The following MINDY3 variants were observed in gnomAD, a reference collection of about 807,000 sequenced individuals.
MINDY3 encodes the protein ubiquitin carboxyl-terminal hydrolase MINDY-3.
In MINDY3, 38 loss-of-function variants were observed where a neutral mutation model predicts 69.2. That is an observed-to-expected ratio of 0.55 (90% CI 0.42 to 0.72). The LOEUF (loss-of-function observed/expected upper bound fraction) is 0.72. Ranked by LOEUF, MINDY3 falls within the 30% of genes least tolerant of loss-of-function variation. The pLI, the probability that MINDY3 is intolerant of heterozygous loss-of-function variation, is 0.00. For missense variants in MINDY3, 522 were observed against 519.0 expected (o/e 1.01, Z -0.06); for synonymous variants, 192 against 180.1 (o/e 1.07, Z -0.53).
At chr10:15,840,363 T>TTAAA (rs1833382491) in intron 4 of MINDY3, among the ~76,000 whole-genome samples, 1 of 151,632 alleles carries the variant, frequency 6.6e-6, no homozygotes, top group Admixed American at 6.6e-5. Context: ...AAAGGAAGCA[T>TTAAA]CATATAGCTG....
At chr10:15,857,217 G>C (rs1371140782) in intron 1 of MINDY3, among the ~76,000 whole-genome samples, 1 of 151,842 alleles carries the variant, frequency 6.6e-6, no homozygotes, top group Admixed American at 6.6e-5. Context: ...TATTTTCTGT[G>C]AAGTTTTTTA....
At chr10:15,805,746 A>G (rs1034071315) in intron 10 of MINDY3, among the ~76,000 whole-genome samples, 3 of 152,144 alleles carry the variant, frequency 2.0e-5, no homozygotes, top group Non-Finnish European at 4.4e-5. Flanking sequence ...GTTTGGCCAG[A>G]AGTCTTGTTC....
At chr10:15,854,629 A>G (rs745344839) in intron 1 of MINDY3, among the ~76,000 whole-genome samples, 70 of 152,076 alleles carry the variant, frequency 4.6e-4, no homozygotes, top group Admixed American at 2.6e-4. Context: ...TGAGAGTGAG[A>G]GGAATGAGAA....
At chr10:15,806,417 T>A (rs191021416) in intron 10 of MINDY3, among the ~76,000 whole-genome samples, 2 of 152,264 alleles carry the variant, frequency 1.3e-5, no homozygotes, top group African/African-American at 2.4e-5. Flanking sequence ...CTTGGATTAG[T>A]ATGAACAAAA....
At chr10:15,857,249 G>A (rs992821843) in intron 1 of MINDY3, among the ~76,000 whole-genome samples, 2 of 151,968 alleles carry the variant, frequency 1.3e-5, no homozygotes, top group African/African-American at 4.8e-5. Context: ...TGTTCTGCCT[G>A]GAGCACTCTT....
intron 11 of MINDY3, among the ~76,000 whole-genome samples, chr10:15,790,569 C>T (rs1437330469): frequency 1.3e-5 from 2 of 152,004 alleles, no homozygotes. Flanking sequence ...TCAGCGTCTC[C>T]GAATGTGAAA....
intron 10 of MINDY3, among the ~76,000 whole-genome samples, chr10:15,815,332 A>G (rs567839486): frequency 6.6e-6 from 1 of 152,332 alleles, no homozygotes; most frequent in East Asian, 1.9e-4. Context: ...CGTGCTTGAG[A>G]AAAGGCAATT....
rs151011608 is a variant in MINDY3, at chr10:15,816,645, T to C, written c.882+190A>G. On this transcript the variant is annotated intron_variant, in intron 10 of 14. Coordinates refer to ENST00000277632, the MANE Select transcript of MINDY3 (RefSeq NM_024948.4). ...AATTATAACTAAATCATGATAGATT[T>C]TGATTAAAAGATTCCAGATTTAGAG... Among the ~76,000 whole-genome samples the C allele has an allele frequency of 2.0e-5, 3 of 152,296 alleles. No individual in the cohort carries two copies. In the South Asian group the frequency reaches 6.2e-4, roughly 32 times the overall value.
In MINDY3 at chr10:15,826,207, G is replaced by A. The variant is rs148311594; in HGVS notation, c.731-4481C>T. 3.0e-4 allele frequency among the ~76,000 whole-genome samples: 45 copies of A among 152,304 alleles called. No individual in the cohort carries two copies. In the East Asian group the frequency reaches 7.3e-3, roughly 25 times the overall value. On this transcript the variant is annotated intron_variant, in intron 8 of 14. Transcript: ENST00000277632. ...GGAGTTTGGATTTTATTTTAAGTGC[G>A]TAGGGAAGCCAGCCATCGAATGGTT...
At chr10:15,806,480 T>G (rs1204815762) in intron 10 of MINDY3, among the ~76,000 whole-genome samples, 1 of 152,098 alleles carries the variant, frequency 6.6e-6, no homozygotes. Context: ...TAAACAAGGT[T>G]TGCATGATTA....
At chr10:15,819,751 T>C (rs1306835387) in intron 9 of MINDY3, among the ~76,000 whole-genome samples, 1 of 152,212 alleles carries the variant, frequency 6.6e-6, no homozygotes, top group Non-Finnish European at 1.5e-5. Flanking sequence ...AGTGTTAGTG[T>C]GTTTTGTTGT....
Position 15,782,222 on chromosome 10 carries a change from G to C in MINDY3, c.1121C>G (p.Ser374Cys), listed in dbSNP as rs765977882. ...FLQEFFPDQG[S>C]SGPESFTVYH... is the part of the protein sequence containing the mutation. Reference sequence around the variant, plus strand: ...GACAGTAAAAGATTCTGGACCACTGGAGCCCTATTATAAATAAAGGACTAT... The same window carrying C: ...GACAGTAAAAGATTCTGGACCACTGCAGCCCTATTATAAATAAAGGACTAT... Residue 374 changes from serine to cysteine, a missense_variant, in exon 14 of 15, where the codon TCC becomes TGC. Physicochemically the swap from Ser to Cys is moderately radical, Grantham distance 112 (BLOSUM62 -1). Coordinates refer to ENST00000277632, the MANE Select transcript of MINDY3 (RefSeq NM_024948.4). 5 of 1,599,136 alleles carry C rather than the reference G, an allele frequency of 3.1e-6. No individual in the cohort carries two copies. The South Asian group carries it at 5.6e-5, about 18-fold the overall frequency.
At chr10:15,830,856 T>C (rs1160640773) in intron 8 of MINDY3, among the ~76,000 whole-genome samples, 1 of 152,088 alleles carries the variant, frequency 6.6e-6, no homozygotes, top group Admixed American at 6.5e-5. Flanking sequence ...GGTGAAAGGA[T>C]GGAGAGAAAG....
At chr10:15,817,670 A>G (rs1839468628) in intron 9 of MINDY3, 1 of 152,230 alleles carries the variant, frequency 6.6e-6, no homozygotes, top group African/African-American at 2.4e-5. Context: ...ATATGAAGAC[A>G]GAAACTTTAA....
intron 8 of MINDY3, among the ~76,000 whole-genome samples, chr10:15,829,025 T>TGGC (rs1840280144): frequency 6.6e-6 from 1 of 152,182 alleles, no homozygotes; most frequent in Non-Finnish European, 1.5e-5. Flanking sequence ...ATGCCTACAC[T>TGGC]GGCCCACAGA....
intron 6 of MINDY3, among the ~76,000 whole-genome samples, chr10:15,835,911 T>C (rs1833046462): frequency 2.0e-5 from 3 of 152,092 alleles, no homozygotes; most frequent in Admixed American, 6.6e-5. Flanking sequence ...TTCCTGACTC[T>C]AGTCTTATAT....
intron 1 of MINDY3, among the ~76,000 whole-genome samples, chr10:15,850,705 C>T (rs1441335761): frequency 1.3e-5 from 2 of 152,164 alleles, no homozygotes; most frequent in Non-Finnish European, 2.9e-5. Context: ...CATGAAACTT[C>T]ATCAGCAATT....
chr10:15,817,568 G>A (rs1372955324), intron 9 of MINDY3: 1 of 152,124 alleles, frequency 6.6e-6, no homozygotes, highest in Admixed American at 6.6e-5. Context: ...ACACGATTGT[G>A]TGTGTGTGAC....
intron 4 of MINDY3, among the ~76,000 whole-genome samples, chr10:15,840,001 C>T (rs1038476567): frequency 6.6e-6 from 1 of 151,620 alleles, no homozygotes; most frequent in Non-Finnish European, 1.5e-5. Flanking sequence ...AACTGCATAG[C>T]ATATTTCATA....
Sources: gnomAD v4.1 joint callset for allele counts (sites outside exome capture counted in the v4.1 genomes callset) on GRCh38, gnomAD v4.1.1 for gene constraint, MANE v1.5 for transcripts, NCBI Gene and HGNC (gene_info 2026-07-23, HGNC 2026-07-21) for gene names.